Variants in LDB2 observed in about 807,000 individuals in gnomAD.
LDB2 encodes LIM domain binding 2, also known as LIM domain-binding protein 2.
Under a neutral mutation model 44.3 loss-of-function variants are expected in LDB2, and 12 were observed. The observed-to-expected ratio is 0.27, with a 90% CI of 0.17 to 0.44. The LOEUF is 0.44. Ranked by LOEUF, LDB2 falls within the 20% of genes least tolerant of loss-of-function variation. LDB2 has a pLI of 1.00. For synonymous variants in LDB2, 164 were observed against 174.8 expected (o/e 0.94, Z 0.49); for missense variants, 344 against 473.5 (o/e 0.73, Z 2.54).
At chr4:16,548,026 T>C (rs571637188) in intron 5 of LDB2, among the ~76,000 whole-genome samples, 22 of 152,112 alleles carry the variant, frequency 1.4e-4, no homozygotes, top group African/African-American at 5.3e-4. Flanking sequence ...TGGCGTCATC[T>C]TGGCTCACTG....
chr4:16,622,515 CAAG>C (rs919210144), intron 2 of LDB2, among the ~76,000 whole-genome samples: 13 of 152,154 alleles, frequency 8.5e-5, no homozygotes, highest in Non-Finnish European at 1.8e-4. Flanking sequence ...GACAAGATAT[CAAG>C]AAGAACAACA....
intron 2 of LDB2, among the ~76,000 whole-genome samples, chr4:16,633,291 G>A (rs896909668): frequency 6.6e-6 from 1 of 152,142 alleles, no homozygotes; most frequent in Non-Finnish European, 1.5e-5. Flanking sequence ...CTGTCATGGG[G>A]TGGAGGGATG....
chr4:16,691,067 C>T (rs1750672714), intron 2 of LDB2, among the ~76,000 whole-genome samples: 1 of 152,092 alleles, frequency 6.6e-6, no homozygotes, highest in African/African-American at 2.4e-5. Flanking sequence ...TGCATAACTA[C>T]AAGGTGTGCT....
chr4:16,754,529 T>A (rs548135470), intron 2 of LDB2, among the ~76,000 whole-genome samples: 2 of 151,874 alleles, frequency 1.3e-5, no homozygotes, highest in African/African-American at 4.8e-5. Context: ...GGCAGTATTT[T>A]TTTTTTTTTT....
At chr4:16,820,659 G>T (rs767705472) in intron 1 of LDB2, among the ~76,000 whole-genome samples, 13 of 152,078 alleles carry the variant, frequency 8.5e-5, no homozygotes, top group Non-Finnish European at 1.5e-4. Context: ...AAGCTCATGT[G>T]TACCACGCTT....
rs1160120491 is a variant in LDB2, at chr4:16,502,367, G to A, written c.*276C>T. The A allele has an allele frequency of 2.4e-6, 1 of 424,226 alleles. No homozygotes were observed. The highest frequency in any genetic ancestry group is 4.3e-6 in the Non-Finnish European group (1 of 235,242). 26.3% of individuals were successfully genotyped at this position (424,226 alleles called of 1,614,324 possible). A position where few individuals can be genotyped will look rare whatever the true frequency, so the allele number is the denominator to read the frequency against. On this transcript the variant is annotated 3_prime_UTR_variant, in exon 8 of 8. Transcript: ENST00000304523. The stretch of plus-strand genomic sequence containing the variant: ...ACACGTTGTTAAAACCGTGCCAGAA[G>A]ATGCGCTAGAGTTTTCTCTCATTTT...
At chr4:16,517,908 TGGA>T (rs1724437887) in intron 5 of LDB2, among the ~76,000 whole-genome samples, 3 of 151,896 alleles carry the variant, frequency 2.0e-5, no homozygotes, top group Admixed American at 6.6e-5. Flanking sequence ...GATGGATGGA[TGGA>T]TGGATGGATG....
At chr4:16,610,148 C>T (rs1445783832) in intron 2 of LDB2, among the ~76,000 whole-genome samples, 1 of 151,756 alleles carries the variant, frequency 6.6e-6, no homozygotes, top group African/African-American at 2.4e-5. Context: ...AACAAACAAG[C>T]AGAAAGTGGC....
At position 16,595,694 on chromosome 4, in the gene LDB2, G is replaced by A; in HGVS notation, c.408+9C>T. 1 of 1,612,102 alleles carries A rather than the reference G, an allele frequency of 6.2e-7. No homozygotes were observed. The highest frequency in any genetic ancestry group is 8.5e-7 in the Non-Finnish European group (1 of 1,179,158). ...AAAAGCCGGGCATGTGACAGAGCCT[G>A]TCCTGTACCTTGGTAAACATGGGCT... On this transcript the variant is annotated intron_variant, in intron 3 of 7. Transcript: ENST00000304523.
intron 1 of LDB2, among the ~76,000 whole-genome samples, chr4:16,872,571 T>C (rs750098133): frequency 6.6e-6 from 1 of 152,196 alleles, no homozygotes; most frequent in Non-Finnish European, 1.5e-5. Context: ...AATGGATGAC[T>C]GGCATAAAGC....
At chr4:16,796,448 A>C (rs2109680968) in intron 1 of LDB2, among the ~76,000 whole-genome samples, 1 of 152,330 alleles carries the variant, frequency 6.6e-6, no homozygotes, top group South Asian at 2.1e-4. Context: ...CTGGATTATA[A>C]CTCAATGTAC....
chr4:16,857,360 T>C (rs1789558617), intron 1 of LDB2, among the ~76,000 whole-genome samples: 1 of 152,184 alleles, frequency 6.6e-6, no homozygotes, highest in African/African-American at 2.4e-5. Flanking sequence ...CTTGCTAGTC[T>C]GAACTGAAAA....
intron 1 of LDB2, among the ~76,000 whole-genome samples, chr4:16,768,647 A>G (rs1211390529): frequency 1.3e-5 from 2 of 152,146 alleles, no homozygotes; most frequent in Admixed American, 6.5e-5. Flanking sequence ...CAAGACTGTA[A>G]CTGTGTTTTT....
intron 1 of LDB2, among the ~76,000 whole-genome samples, chr4:16,773,012 A>G (rs1446855502): frequency 2.0e-5 from 3 of 152,230 alleles, no homozygotes; most frequent in Non-Finnish European, 4.4e-5. Flanking sequence ...GTTGAGAAGA[A>G]TTATTTGATG....
At chr4:16,895,561 T>TGTGTGA (rs1554068209) in intron 1 of LDB2, among the ~76,000 whole-genome samples, 13 of 151,784 alleles carry the variant, frequency 8.6e-5, no homozygotes, top group Non-Finnish European at 7.4e-5. Flanking sequence ...TGTGTGTGTG[T>TGTGTGA]GAGAGAGATA....
chr4:16,632,410 T>C (rs1487526004), intron 2 of LDB2, among the ~76,000 whole-genome samples: 1 of 152,140 alleles, frequency 6.6e-6, no homozygotes, highest in Non-Finnish European at 1.5e-5. Context: ...CTCAATAAAT[T>C]AGGTATTGAT....
chr4:16,630,297 A>G (rs1188787606), intron 2 of LDB2, among the ~76,000 whole-genome samples: 3 of 152,228 alleles, frequency 2.0e-5, no homozygotes, highest in African/African-American at 4.8e-5. Context: ...ATTCTCAAAG[A>G]AAAGAATTTT....
At chr4:16,733,194 A>G (rs974040662) in intron 2 of LDB2, among the ~76,000 whole-genome samples, 13 of 152,280 alleles carry the variant, frequency 8.5e-5, no homozygotes, top group African/African-American at 3.1e-4. Flanking sequence ...CTACTTTTCT[A>G]CCTCTAATTA....
intron 1 of LDB2, among the ~76,000 whole-genome samples, chr4:16,778,409 G>C (rs1188250908): frequency 1.3e-5 from 2 of 151,976 alleles, no homozygotes; most frequent in Non-Finnish European, 2.9e-5. Flanking sequence ...ATTTCTACTA[G>C]TCAACACCTG....
Sources: gnomAD v4.1 joint callset for allele counts (sites outside exome capture counted in the v4.1 genomes callset) on GRCh38, gnomAD v4.1.1 for gene constraint, MANE v1.5 for transcripts, NCBI Gene and HGNC (gene_info 2026-07-23, HGNC 2026-07-21) for gene names.